Variants in NR3C2 observed in about 807,000 individuals in gnomAD.
NR3C2 encodes the protein nuclear receptor subfamily 3 group C member 2.
A neutral mutation model predicts 86.4 loss-of-function variants in NR3C2; 15 were observed. The ratio of observed to expected loss-of-function variants is 0.17; its 90% confidence interval spans 0.12 to 0.27. The LOEUF (loss-of-function observed/expected upper bound fraction) is 0.27, where lower values mean the gene tolerates loss of function less well. Among genes scored for constraint, NR3C2 ranks in the 10% least tolerant of loss-of-function variants. NR3C2 has a pLI of 1.00. For synonymous variants in NR3C2, 458 were observed against 450.5 expected (o/e 1.02, Z -0.21); for missense variants, 960 against 1,195.6 (o/e 0.80, Z 2.91).
intron 3 of NR3C2, among the ~76,000 whole-genome samples, chr4:148,230,769 C>A (rs1021359126): frequency 8.5e-5 from 13 of 152,110 alleles, no homozygotes; most frequent in African/African-American, 3.1e-4. Flanking sequence ...TAAGAGTAAG[C>A]GGAAGTTCAA....
chr4:148,231,142 G>A lies in NR3C2; in HGVS notation c.1897+28836C>T, dbSNP rs576625619. On this transcript the variant is annotated intron_variant, in intron 3 of 8. Coordinates refer to ENST00000358102, the MANE Select transcript of NR3C2 (RefSeq NM_000901.5). ...TTTCAAACAGTATTCTGTTAAAAGT[G>A]CAGTGCTCTAAACTGATGACTAAAA... is the stretch of plus-strand genomic sequence containing the variant. Among the ~76,000 whole-genome samples the A allele has an allele frequency of 6.4e-4, 98 of 152,284 alleles. 1 individual carries two copies. The highest frequency in any genetic ancestry group is 5.9e-4 in the Admixed American group (9 of 15,306).
intron 2 of NR3C2, among the ~76,000 whole-genome samples, chr4:148,424,424 T>A (rs1221114705): frequency 1.3e-5 from 2 of 152,202 alleles, no homozygotes; most frequent in Non-Finnish European, 2.9e-5. Context: ...ATTCTAATGA[T>A]TCCACTCCTA....
At chr4:148,356,899 C>CTCTG (rs372936639) in intron 2 of NR3C2, among the ~76,000 whole-genome samples, 1 of 148,968 alleles carries the variant, frequency 6.7e-6, no homozygotes, top group African/African-American at 2.5e-5. Context: ...CTAAGCACGA[C>CTCTG]TGTGTGTGTG....
intron 6 of NR3C2, among the ~76,000 whole-genome samples, chr4:148,131,176 T>C (rs1733027277): frequency 6.6e-6 from 1 of 152,140 alleles, no homozygotes; most frequent in South Asian, 2.1e-4. Flanking sequence ...GTAAACTGCC[T>C]CTAGGAATGT....
chr4:148,253,691 C>A (rs2149863491), intron 3 of NR3C2, among the ~76,000 whole-genome samples: 1 of 152,266 alleles, frequency 6.6e-6, no homozygotes, highest in African/African-American at 2.4e-5. Flanking sequence ...TTGTCCTAAA[C>A]CAAACCTCAT....
intron 2 of NR3C2, among the ~76,000 whole-genome samples, chr4:148,296,031 T>C (rs1424330243): frequency 8.9e-6 from 1 of 112,932 alleles, no homozygotes; most frequent in Admixed American, 1.3e-4. Context: ...AGGTCCTTAA[T>C]ATGAGCTGAG....
intron 2 of NR3C2, among the ~76,000 whole-genome samples, chr4:148,348,377 A>T: frequency 6.6e-6 from 1 of 152,164 alleles, no homozygotes; most frequent in East Asian, 1.9e-4. Context: ...TATGAAGGCA[A>T]GGATTGTATC....
chr4:148,244,296 C>G (rs140607221), intron 3 of NR3C2, among the ~76,000 whole-genome samples: 1 of 152,164 alleles, frequency 6.6e-6, no homozygotes, highest in Non-Finnish European at 1.5e-5. Context: ...CTAGGAAAAA[C>G]TGCTGAAAGT....
At chr4:148,345,294 A>G (rs1744935371) in intron 2 of NR3C2, among the ~76,000 whole-genome samples, 1 of 152,100 alleles carries the variant, frequency 6.6e-6, no homozygotes, top group Non-Finnish European at 1.5e-5. Flanking sequence ...ACACGTGCAC[A>G]TGAACATATA....
intron 2 of NR3C2, among the ~76,000 whole-genome samples, chr4:148,373,813 T>G (rs1343467965): frequency 2.0e-5 from 3 of 152,124 alleles, no homozygotes; most frequent in African/African-American, 4.8e-5. Flanking sequence ...TGAAGTTAAG[T>G]ATAGTCACAC....
Position 148,436,569 on chromosome 4 carries a change from A to C in NR3C2, c.292T>G (p.Ser98Ala). 1 of 1,614,230 alleles carries C rather than the reference A, an allele frequency of 6.2e-7. No homozygotes were observed. The highest frequency in any genetic ancestry group is 8.5e-7 in the Non-Finnish European group (1 of 1,180,042). ...IKTELESKEL[S>A]ATVAESMGLY... Reference sequence around the variant, plus strand: ...CCCATGGACTCAGCTACAGTTGCTGAAAGTTCCTTAGATTCCAGCTCAGTT... The same window carrying C: ...CCCATGGACTCAGCTACAGTTGCTGCAAGTTCCTTAGATTCCAGCTCAGTT... The change falls in exon 2 of 9, where the codon TCA becomes GCA. Residue 98 changes from serine (S) to alanine (A), a missense_variant. Transcript: ENST00000358102.
intron 2 of NR3C2, among the ~76,000 whole-genome samples, chr4:148,410,652 G>A (rs1198707322): frequency 1.3e-5 from 2 of 152,260 alleles, no homozygotes; most frequent in East Asian, 1.9e-4. Flanking sequence ...ATAACTCAAA[G>A]AAGCAGAATC....
chr4:148,329,064 T>C (rs541270758), intron 2 of NR3C2, among the ~76,000 whole-genome samples: 17 of 152,244 alleles, frequency 1.1e-4, no homozygotes, highest in African/African-American at 3.9e-4. Context: ...TAGGTCAAAA[T>C]TGCAAAAGCC....
At chr4:148,260,498 G>T (rs890887847) in intron 2 of NR3C2, among the ~76,000 whole-genome samples, 11 of 152,088 alleles carry the variant, frequency 7.2e-5, no homozygotes, top group African/African-American at 2.4e-4. Context: ...GCATCAAAGA[G>T]CTATTATAAT....
intron 6 of NR3C2, among the ~76,000 whole-genome samples, chr4:148,148,168 T>C (rs1251887939): frequency 6.6e-6 from 1 of 151,464 alleles, no homozygotes; most frequent in African/African-American, 2.4e-5. Context: ...ACCTGAGTCT[T>C]CTTCCCTTAT....
intron 2 of NR3C2, among the ~76,000 whole-genome samples, chr4:148,308,446 A>G (rs1742745030): frequency 6.6e-6 from 1 of 152,160 alleles, no homozygotes; most frequent in East Asian, 1.9e-4. Context: ...ACTCTAAAAA[A>G]ACTACATGAT....
intron 2 of NR3C2, among the ~76,000 whole-genome samples, chr4:148,371,076 T>C (rs750407633): frequency 2.6e-5 from 4 of 152,190 alleles, no homozygotes; most frequent in Non-Finnish European, 4.4e-5. Context: ...GGTAGGTATA[T>C]ATATTTATGG....
intron 2 of NR3C2, among the ~76,000 whole-genome samples, chr4:148,304,196 T>C (rs901708687): frequency 1.3e-5 from 2 of 152,190 alleles, no homozygotes; most frequent in South Asian, 4.2e-4. Context: ...TGTGGGACAC[T>C]CCCCTCGGAT....
chr4:148,194,657 C>A, intron 4 of NR3C2, 89 bp downstream of exon 4: 1 of 860,100 alleles, frequency 1.2e-6, no homozygotes, highest in East Asian at 2.4e-5. Context: ...TCCCTGTTGG[C>A]TTCGTTTTCA....
Sources: gnomAD v4.1 joint callset for allele counts (sites outside exome capture counted in the v4.1 genomes callset) on GRCh38, gnomAD v4.1.1 for gene constraint, MANE v1.5 for transcripts, NCBI Gene and HGNC (gene_info 2026-07-23, HGNC 2026-07-21) for gene names.